SLC20A2: variants seen among roughly 807,000 people sequenced by gnomAD.
SLC20A2 encodes sodium-dependent phosphate transporter 2.
A neutral mutation model predicts 61.0 loss-of-function variants in SLC20A2; 30 were observed. That is an observed-to-expected ratio of 0.49 (90% CI 0.37 to 0.67). SLC20A2 has a LOEUF of 0.67. SLC20A2 is among the 30% of genes least tolerant of loss of function. The pLI is 0.00. For synonymous variants in SLC20A2, 351 were observed against 353.3 expected (o/e 0.99, Z 0.07); for missense variants, 626 against 866.4 (o/e 0.72, Z 3.48).
Position 42,465,769 on chromosome 8 carries a change from C to T in SLC20A2, c.430+8G>A, listed in dbSNP as rs375758287. On this transcript the variant is annotated splice_region_variant and intron_variant, in intron 3 of 10. Coordinates refer to ENST00000520262, the MANE Select transcript of SLC20A2 (RefSeq NM_001257180.2). ...TCCTTCTTATGGGTAAAAGAAAATG[C>T]CAATTACCAATCTTGACAAGCTCCA... 8.9e-6 allele frequency: 14 copies of T among 1,577,314 alleles called. No homozygotes were observed. The highest frequency in any genetic ancestry group is 1.9e-5 in the Admixed American group (1 of 51,308).
chr8:42,434,336 C>G (rs111456187), intron 8 of SLC20A2, among the ~76,000 whole-genome samples: 4,057 of 152,160 alleles, frequency 0.027, 60 homozygotes, highest in Non-Finnish European at 0.041. Flanking sequence ...ATCCACCTGC[C>G]TCGGCCTCCC....
intron 10 of SLC20A2, among the ~76,000 whole-genome samples, chr8:42,418,348 G>C (rs1802813994): frequency 6.6e-6 from 1 of 151,736 alleles, no homozygotes; most frequent in Non-Finnish European, 1.5e-5. Context: ...CATATTTTTA[G>C]TAGAGACGGG....
At chr8:42,457,640 T>C (rs1806320856) in intron 5 of SLC20A2, among the ~76,000 whole-genome samples, 1 of 151,996 alleles carries the variant, frequency 6.6e-6, no homozygotes, top group Admixed American at 6.6e-5. Context: ...GCGCGCACCA[T>C]CACGCCCAGC....
intron 1 of SLC20A2, among the ~76,000 whole-genome samples, chr8:42,486,724 C>T (rs1445948951): frequency 6.6e-6 from 1 of 152,118 alleles, no homozygotes; most frequent in Non-Finnish European, 1.5e-5. Context: ...TTGTGGGTTC[C>T]AAGAGTTTCT....
intron 1 of SLC20A2, among the ~76,000 whole-genome samples, chr8:42,530,578 C>T (rs1021779096): frequency 2.6e-5 from 4 of 152,124 alleles, no homozygotes; most frequent in South Asian, 2.1e-4. Flanking sequence ...GTCAAATATG[C>T]TCAACTGTTG....
chr8:42,462,197 G>A (rs572021008), intron 4 of SLC20A2, among the ~76,000 whole-genome samples: 1 of 152,276 alleles, frequency 6.6e-6, no homozygotes, highest in South Asian at 2.1e-4. Flanking sequence ...GCAGGCTAGA[G>A]AGGGGTGTGC....
chr8:42,476,457 T>C (rs906598722), intron 1 of SLC20A2, among the ~76,000 whole-genome samples: 9 of 152,164 alleles, frequency 5.9e-5, no homozygotes, highest in Admixed American at 2.0e-4. Flanking sequence ...AATATGGCAG[T>C]GGCTGTACTA....
intron 10 of SLC20A2, among the ~76,000 whole-genome samples, chr8:42,422,741 A>G (rs189276482): frequency 2.4e-3 from 372 of 152,174 alleles, no homozygotes; most frequent in Non-Finnish European, 3.8e-3. Context: ...TCTTAGGCCA[A>G]TATTTCTTTG....
intron 1 of SLC20A2, among the ~76,000 whole-genome samples, chr8:42,531,657 C>A (rs1235426301): frequency 6.6e-6 from 1 of 152,126 alleles, no homozygotes; most frequent in Non-Finnish European, 1.5e-5. Context: ...GGTAAGACCA[C>A]ACAATTTATG....
At chr8:42,495,061 T>C (rs1345025848) in intron 1 of SLC20A2, among the ~76,000 whole-genome samples, 4 of 151,970 alleles carry the variant, frequency 2.6e-5, no homozygotes. Context: ...TTCACTGTGT[T>C]AGCCAGAATG....
At chr8:42,425,781 G>A (rs1231501314) in intron 10 of SLC20A2, among the ~76,000 whole-genome samples, 1 of 152,176 alleles carries the variant, frequency 6.6e-6, no homozygotes, top group Non-Finnish European at 1.5e-5. Flanking sequence ...GGTGGCTCAT[G>A]TCTGTAATCC....
At chr8:42,478,668 G>C (rs553628553) in intron 1 of SLC20A2, among the ~76,000 whole-genome samples, 3 of 152,168 alleles carry the variant, frequency 2.0e-5, no homozygotes, top group Non-Finnish European at 2.9e-5. Flanking sequence ...ATTACTGCAC[G>C]TGTTGTCAAA....
intron 1 of SLC20A2, among the ~76,000 whole-genome samples, chr8:42,497,616 A>C (rs1179839324): frequency 6.6e-6 from 1 of 152,084 alleles, no homozygotes; most frequent in Non-Finnish European, 1.5e-5. Context: ...CTTGAAGAAC[A>C]ATTCAAGAGT....
At chr8:42,488,468 G>A (rs982714661) in intron 1 of SLC20A2, among the ~76,000 whole-genome samples, 5 of 152,022 alleles carry the variant, frequency 3.3e-5, no homozygotes, top group East Asian at 1.9e-4. Context: ...GATTACAGGC[G>A]TGAGCCACTG....
At chr8:42,473,353 G>A (rs1807800558) in intron 1 of SLC20A2, among the ~76,000 whole-genome samples, 1 of 138,524 alleles carries the variant, frequency 7.2e-6, no homozygotes, top group Admixed American at 6.8e-5. Flanking sequence ...CCTCCTCGCA[G>A]CTCACTGGCC....
At position 42,482,714 on chromosome 8, in the gene SLC20A2, CCT is replaced by C. The variant is rs1808643327; in HGVS notation, c.-264-10062_-264-10061del. On this transcript the variant is annotated intron_variant, in intron 1 of 10. Coordinates refer to ENST00000520262, the MANE Select transcript of SLC20A2 (RefSeq NM_001257180.2). ...TCCAGCCTGGACAACAGAGTAGGAC[CCT>C]GTCTTTAAAAAAAACAAAACTGTAT... Among the ~76,000 whole-genome samples, 10 of 147,820 alleles carry C rather than the reference CCT, an allele frequency of 6.8e-5. No homozygotes were observed. The Admixed American group carries it at 7.1e-4, about 10-fold the overall frequency.
chr8:42,429,067 G>A (rs544706144), intron 9 of SLC20A2, among the ~76,000 whole-genome samples: 6 of 152,266 alleles, frequency 3.9e-5, no homozygotes, highest in South Asian at 2.1e-4. Flanking sequence ...CTTCTGATAC[G>A]TTTTCAAAGA....
At chr8:42,531,572 T>A (rs181431249) in intron 1 of SLC20A2, among the ~76,000 whole-genome samples, 1 of 152,234 alleles carries the variant, frequency 6.6e-6, no homozygotes, top group Non-Finnish European at 1.5e-5. Flanking sequence ...TATGAGACAA[T>A]GTGAGTCAAC....
upstream of SLC20A2, chr8:42,501,330 T>C (rs533204429): frequency 6.6e-6 from 1 of 152,360 alleles, no homozygotes; most frequent in South Asian, 2.1e-4. Flanking sequence ...GAACAATACA[T>C]AGCATCATGA....
Sources: allele counts gnomAD v4.1 joint callset (sites outside exome capture counted in the v4.1 genomes callset), GRCh38; gene constraint gnomAD v4.1.1; transcripts MANE v1.5; gene names NCBI Gene and HGNC (gene_info 2026-07-23, HGNC 2026-07-21).